SCGN: variants seen among roughly 807,000 people sequenced by gnomAD.
SCGN encodes the protein secretagogin.
SCGN carries 30 observed loss-of-function variants against 39.7 expected under a neutral mutation model. The ratio of observed to expected loss-of-function variants is 0.76; its 90% CI spans 0.57 to 1.03. SCGN has a LOEUF of 1.03. Among genes scored for constraint, SCGN ranks in the 50% least tolerant of loss-of-function variants. The pLI, the probability that SCGN is intolerant of heterozygous loss-of-function variation, is 0.00. For synonymous variants in SCGN, 106 were observed against 114.1 expected, an observed-to-expected ratio of 0.93 and a Z score of 0.45; for missense variants, 353 against 349.4, an observed-to-expected ratio of 1.01 and a Z score of -0.08.
At chr6:25,673,740 A>G (rs554983268) in intron 6 of SCGN, among the ~76,000 whole-genome samples, 7 of 152,328 alleles carry the variant, frequency 4.6e-5, no homozygotes, top group East Asian at 1.9e-4. Context: ...AGACAGGTCC[A>G]TAATCAAGCA....
At chr6:25,655,648 G>A (rs1322941851) in intron 2 of SCGN, among the ~76,000 whole-genome samples, 1 of 149,370 alleles carries the variant, frequency 6.7e-6, no homozygotes, top group African/African-American at 2.5e-5. Context: ...TCAAATTTCA[G>A]TATGCCTGAG....
At chr6:25,677,715 C>A (rs1415571401) in intron 6 of SCGN, among the ~76,000 whole-genome samples, 1 of 152,152 alleles carries the variant, frequency 6.6e-6, no homozygotes, top group Non-Finnish European at 1.5e-5. Context: ...ACATAAGACT[C>A]TGTGAATGGT....
chr6:25,689,379 C>T, intron 8 of SCGN, 94 bp from the exon 9 acceptor site: 4 of 1,278,314 alleles, frequency 3.1e-6, no homozygotes, highest in Non-Finnish European at 4.5e-6. Context: ...AGGTCATTGA[C>T]TCAAAGTTTA....
chr6:25,663,668 A>G (rs1760379028), intron 3 of SCGN, among the ~76,000 whole-genome samples: 1 of 152,222 alleles, frequency 6.6e-6, no homozygotes, highest in Admixed American at 6.5e-5. Context: ...ATTTCACTCT[A>G]AAGCCTATAA....
intron 10 of SCGN, among the ~76,000 whole-genome samples, chr6:25,692,040 G>A (rs543616902): frequency 1.6e-4 from 24 of 152,288 alleles, no homozygotes; most frequent in East Asian, 1.5e-3. Context: ...ATGAGACATC[G>A]TCCGTGATTC....
rs1759767183 is a variant in SCGN, at chr6:25,690,999, C to A, written c.634-57C>A. 3 of 1,347,370 alleles carry A rather than the reference C, an allele frequency of 2.2e-6. No homozygotes were observed. The Admixed American group carries it at 5.2e-5, about 23-fold the overall frequency. The allele number at this position is 1,347,370 out of a possible 1,614,324, so 83.5% of individuals were successfully genotyped here. ...TACGGTTTATTTACCTAAGTTATTG[C>A]CTTGCTTTTTGGCTTAAGAAACTGA... On this transcript the variant is annotated intron_variant, in intron 9 of 10. Coordinates refer to ENST00000377961, the MANE Select transcript of SCGN (RefSeq NM_006998.4).
At chr6:25,682,465 A>G (rs987409904) in intron 7 of SCGN, among the ~76,000 whole-genome samples, 2 of 152,224 alleles carry the variant, frequency 1.3e-5, no homozygotes, top group Non-Finnish European at 2.9e-5. Context: ...CTAGAAGTGG[A>G]GGAGGACAGG....
At chr6:25,654,454 C>A (rs1411958450) in intron 2 of SCGN, among the ~76,000 whole-genome samples, 1 of 152,152 alleles carries the variant, frequency 6.6e-6, no homozygotes, top group African/African-American at 2.4e-5. Flanking sequence ...TTATGTCTAT[C>A]TCTGTCATTT....
At chr6:25,695,047 C>G (rs574411004) in intron 10 of SCGN, among the ~76,000 whole-genome samples, 41 of 152,188 alleles carry the variant, frequency 2.7e-4, no homozygotes, top group African/African-American at 9.6e-4. Context: ...GTAAGCTTAT[C>G]TTATAGTTTT....
chr6:25,667,609 C>T (rs1332154461), intron 4 of SCGN, among the ~76,000 whole-genome samples: 2 of 152,058 alleles, frequency 1.3e-5, no homozygotes, highest in Non-Finnish European at 2.9e-5. Flanking sequence ...TGTGTCACCA[C>T]ATGTCATATT....
Position 25,670,078 on chromosome 6 carries a change from T to C in SCGN, c.471+2T>C. The C allele has an allele frequency of 6.2e-7, 1 of 1,603,880 alleles. No individual in the cohort carries two copies. The highest frequency in any genetic ancestry group is 2.2e-5 in the East Asian group (1 of 44,814). Reference sequence around the variant, plus strand: ...CTGGAAGAATACACTGGCACCATGGTAAGTAATGAGTAATGTAATCTCCAT... The same window carrying C: ...CTGGAAGAATACACTGGCACCATGGCAAGTAATGAGTAATGTAATCTCCAT... On this transcript the variant is annotated splice_donor_variant, in intron 6 of 10. Transcript: ENST00000377961. LOFTEE classifies it high-confidence loss of function.
chr6:25,670,384 A>G (rs1759480874), intron 6 of SCGN, among the ~76,000 whole-genome samples: 1 of 152,212 alleles, frequency 6.6e-6, no homozygotes. Flanking sequence ...TCACATGGAA[A>G]CAAGTAAACA....
chr6:25,689,345 C>T (rs752239125), intron 8 of SCGN, 128 bp downstream of exon 8: 3 of 1,150,514 alleles, frequency 2.6e-6, no homozygotes, highest in Non-Finnish European at 3.8e-6. Flanking sequence ...AGACAAGGAT[C>T]AGCATGGAAT....
At position 25,669,782 on chromosome 6, in the gene SCGN, C is replaced by T. The variant is rs549923317; in HGVS notation, c.393+215C>T. On this transcript the variant is annotated intron_variant, in intron 5 of 10. Transcript: ENST00000377961. ...TCTCTGGAAAAGAAGCATAATTGAG[C>T]ATTTATGATAACTTTTTCACGCTGG... Among the ~76,000 whole-genome samples, 227 of 152,220 alleles carry T rather than the reference C, an allele frequency of 1.5e-3. 2 individuals carry two copies. The highest frequency in any genetic ancestry group is 8.5e-3 in the South Asian group (41 of 4,818).
At chr6:25,675,280 A>C (rs1759549311) in intron 6 of SCGN, among the ~76,000 whole-genome samples, 1 of 152,250 alleles carries the variant, frequency 6.6e-6, no homozygotes. Context: ...TAAGAAGTAC[A>C]ACAAAGGTCA....
intron 6 of SCGN, among the ~76,000 whole-genome samples, chr6:25,679,724 T>C (rs1461789869): frequency 6.6e-6 from 1 of 152,232 alleles, no homozygotes; most frequent in African/African-American, 2.4e-5. Flanking sequence ...TCAACTATCA[T>C]GAAGTTTATA....
In SCGN at chr6:25,661,932, C is replaced by G. The variant is rs570198668; in HGVS notation, c.246+288C>G. 2.0e-5 allele frequency among the ~76,000 whole-genome samples: 3 copies of G among 152,228 alleles called. No homozygotes were observed. The South Asian group carries it at 6.2e-4, about 32-fold the overall frequency. On this transcript the variant is annotated intron_variant, in intron 3 of 10. Transcript: ENST00000377961. ...ATTTGGGAATTGAAATGATAGAGGC[C>G]TTTCAATTACTTGATCTACTATTTG...
chr6:25,688,365 T>C (rs1759731349), intron 7 of SCGN, among the ~76,000 whole-genome samples: 1 of 152,248 alleles, frequency 6.6e-6, no homozygotes, highest in Non-Finnish European at 1.5e-5. Context: ...TCTGCTAGGT[T>C]AGTTCAATGG....
intron 10 of SCGN, 104 bp downstream of exon 10, chr6:25,691,228 AAT>A: frequency 1.2e-6 from 1 of 842,934 alleles, no homozygotes; most frequent in South Asian, 1.7e-5. Context: ...TCAAAGATAA[AAT>A]CTAGGGATGT....
Sources: allele counts gnomAD v4.1 joint callset (sites outside exome capture counted in the v4.1 genomes callset), GRCh38; gene constraint gnomAD v4.1.1; transcripts MANE v1.5; gene names NCBI Gene and HGNC (gene_info 2026-07-23, HGNC 2026-07-21).